NLGN1: variants seen among roughly 807,000 people sequenced by gnomAD.
NLGN1 encodes neuroligin 1, also known as neuroligin-1.
In NLGN1, 12 loss-of-function variants were observed where a neutral mutation model predicts 65.5. The ratio of observed to expected loss-of-function variants is 0.18; its 90% CI spans 0.12 to 0.30. The LOEUF is 0.30. Among genes scored for constraint, NLGN1 ranks in the 10% least tolerant of loss-of-function variants. NLGN1 has a pLI of 1.00. For synonymous variants in NLGN1, 350 were observed against 359.5 expected, an observed-to-expected ratio of 0.97 and a Z score of 0.30; for missense variants, 750 against 1,007.1, an observed-to-expected ratio of 0.74 and a Z score of 3.46.
intron 4 of NLGN1, among the ~76,000 whole-genome samples, chr3:174,186,196 G>A (rs985777960): frequency 6.6e-6 from 1 of 152,056 alleles, no homozygotes; most frequent in Non-Finnish European, 1.5e-5. Context: ...CCTTGTGTTT[G>A]AGAAACCTGT....
At chr3:173,958,611 G>A (rs1377935864) in intron 4 of NLGN1, among the ~76,000 whole-genome samples, 1 of 152,142 alleles carries the variant, frequency 6.6e-6, no homozygotes, top group Non-Finnish European at 1.5e-5. Flanking sequence ...TCCAAGGGCA[G>A]CCATGGGTTG....
downstream of NLGN1, among the ~76,000 whole-genome samples, chr3:174,290,628 C>G (rs1251215277): frequency 2.7e-5 from 4 of 150,710 alleles, no homozygotes; most frequent in African/African-American, 4.9e-5. Flanking sequence ...ACTATAAGCA[C>G]ATATTGAAAG....
At chr3:173,524,487 G>A (rs763873373) in intron 2 of NLGN1, among the ~76,000 whole-genome samples, 3 of 152,120 alleles carry the variant, frequency 2.0e-5, no homozygotes, top group Non-Finnish European at 4.4e-5. Flanking sequence ...GGTTGTCCGT[G>A]TATACAATCA....
At chr3:173,676,719 CT>C (rs2149763704) in intron 3 of NLGN1, among the ~76,000 whole-genome samples, 1 of 152,122 alleles carries the variant, frequency 6.6e-6, no homozygotes, top group East Asian at 1.9e-4. Context: ...TATCTTTAGT[CT>C]GAAAAATGCC....
chr3:174,193,027 C>T (rs1035326682), intron 4 of NLGN1, among the ~76,000 whole-genome samples: 6 of 152,052 alleles, frequency 3.9e-5, no homozygotes, highest in Non-Finnish European at 7.4e-5. Context: ...GCACTTATTA[C>T]ATTGGTATAT....
intron 3 of NLGN1, among the ~76,000 whole-genome samples, chr3:173,733,619 A>G (rs1223401384): frequency 1.3e-5 from 2 of 152,104 alleles, no homozygotes; most frequent in Non-Finnish European, 2.9e-5. Flanking sequence ...GGAGGTTCCT[A>G]ACTTCACCTT....
intron 2 of NLGN1, among the ~76,000 whole-genome samples, chr3:173,474,347 A>G (rs1382956034): frequency 1.3e-5 from 2 of 152,218 alleles, no homozygotes; most frequent in Non-Finnish European, 2.9e-5. Context: ...TGAAATTCAC[A>G]GATTGGAAAA....
chr3:174,170,652 T>C (rs2152732799), intron 4 of NLGN1, among the ~76,000 whole-genome samples: 1 of 152,334 alleles, frequency 6.6e-6, no homozygotes, highest in South Asian at 2.1e-4. Flanking sequence ...ATGCTCTTGG[T>C]TCACAAGATG....
At chr3:173,626,901 G>C (rs1394487408) in intron 3 of NLGN1, among the ~76,000 whole-genome samples, 2 of 151,966 alleles carry the variant, frequency 1.3e-5, no homozygotes, top group Non-Finnish European at 2.9e-5. Flanking sequence ...AAAAATAGCT[G>C]TTGTAAAAAC....
intron 4 of NLGN1, among the ~76,000 whole-genome samples, chr3:174,222,368 T>A (rs1738826763): frequency 6.6e-6 from 1 of 152,208 alleles, no homozygotes; most frequent in South Asian, 2.1e-4. Flanking sequence ...AAGAGTTTAT[T>A]TTTTACTTTA....
At chr3:174,176,426 C>T (rs915761661) in intron 4 of NLGN1, among the ~76,000 whole-genome samples, 1 of 151,800 alleles carries the variant, frequency 6.6e-6, no homozygotes, top group Non-Finnish European at 1.5e-5. Context: ...TTTAAAAGTT[C>T]CAGCCATAAT....
At chr3:173,410,818 A>G (rs960667762) in intron 1 of NLGN1, among the ~76,000 whole-genome samples, 8 of 152,222 alleles carry the variant, frequency 5.3e-5, no homozygotes, top group African/African-American at 1.9e-4. Flanking sequence ...AATTTATCCC[A>G]AAGTTATTTT....
rs374333992 is a variant in NLGN1, at chr3:173,532,452, A to G, written c.-320-71827A>G. Among the ~76,000 whole-genome samples the G allele has an allele frequency of 3.9e-5, 6 of 152,264 alleles. No homozygotes were observed. The East Asian group carries it at 5.8e-4, about 15-fold the overall frequency. On this transcript the variant is annotated intron_variant, in intron 2 of 6. Transcript: ENST00000457714. ...TTCGTATAGCCTATTGAACATATCCACTAGGATAACCCATAGTCGTCTTAA... is the reference window on the plus strand; with the variant it reads ...TTCGTATAGCCTATTGAACATATCCGCTAGGATAACCCATAGTCGTCTTAA...
At chr3:173,784,154 A>T (rs1031039800) in intron 3 of NLGN1, among the ~76,000 whole-genome samples, 3 of 152,284 alleles carry the variant, frequency 2.0e-5, no homozygotes, top group Admixed American at 6.5e-5. Context: ...AGTTGACAAT[A>T]AGTTGCTTTT....
chr3:173,907,050 A>G (rs923096970), intron 4 of NLGN1, among the ~76,000 whole-genome samples: 2 of 152,110 alleles, frequency 1.3e-5, no homozygotes, highest in South Asian at 2.1e-4. Context: ...GATCTTCCCA[A>G]TCTCCCAGGC....
chr3:174,211,587 G>T (rs1456861238), intron 4 of NLGN1, among the ~76,000 whole-genome samples: 1 of 150,968 alleles, frequency 6.6e-6, no homozygotes. Flanking sequence ...GGTTCTCCAC[G>T]TCCCCACCAG....
At chr3:173,403,704 T>A (rs964627268) in intron 1 of NLGN1, among the ~76,000 whole-genome samples, 2 of 152,324 alleles carry the variant, frequency 1.3e-5, no homozygotes, top group African/African-American at 2.4e-5. Flanking sequence ...CTTAATCATC[T>A]TCTTTTACTC....
In NLGN1 at chr3:173,513,567, T is replaced by A. The variant is rs374687055; in HGVS notation, c.-321+78489T>A. On this transcript the variant is annotated intron_variant, in intron 2 of 6. Transcript: ENST00000457714. Reference sequence around the variant, plus strand: ...GAAATGTTGTTGATTTTTCTGTTTGTTCAGCTTTTCATAAGTTGTTAACAC... The same window carrying A: ...GAAATGTTGTTGATTTTTCTGTTTGATCAGCTTTTCATAAGTTGTTAACAC... Among the ~76,000 whole-genome samples, 136 of 152,300 alleles carry A rather than the reference T, an allele frequency of 8.9e-4. 1 individual carries two copies. The highest frequency in any genetic ancestry group is 2.9e-3 in the African/African-American group (121 of 41,578).
At chr3:173,400,322 T>A (rs1717430183) in intron 1 of NLGN1, among the ~76,000 whole-genome samples, 1 of 152,168 alleles carries the variant, frequency 6.6e-6, no homozygotes, top group Non-Finnish European at 1.5e-5. Context: ...TATAGATTAT[T>A]ACATGCCAAA....
Sources: gnomAD v4.1 joint callset for allele counts (sites outside exome capture counted in the v4.1 genomes callset) on GRCh38, gnomAD v4.1.1 for gene constraint, MANE v1.5 for transcripts, NCBI Gene and HGNC (gene_info 2026-07-23, HGNC 2026-07-21) for gene names.